The following SHOC1 variants were observed in gnomAD, a reference collection of about 807,000 sequenced individuals.
SHOC1 encodes the protein protein shortage in chiasmata 1 ortholog.
Under a neutral mutation model 179.2 loss-of-function variants are expected in SHOC1, and 136 were observed. That is an observed-to-expected ratio of 0.76 (90% CI 0.66 to 0.87). SHOC1 has a LOEUF of 0.87. Among genes scored for constraint, SHOC1 ranks in the 40% least tolerant of loss-of-function variants. SHOC1 has a pLI of 0.00. For missense variants in SHOC1, 1,538 were observed against 1,700.8 expected, an observed-to-expected ratio of 0.90 and a Z score of 1.68; for synonymous variants, 489 against 586.6, an observed-to-expected ratio of 0.83 and a Z score of 2.41.
At chr9:111,714,178 CTAATT>C (rs1832680038) in intron 17 of SHOC1, among the ~76,000 whole-genome samples, 1 of 152,054 alleles carries the variant, frequency 6.6e-6, no homozygotes. Flanking sequence ...CCACGCCTGG[CTAATT>C]TAAAAATTTT....
chr9:111,734,157 T>C (rs751459414), intron 12 of SHOC1, among the ~76,000 whole-genome samples: 6 of 152,222 alleles, frequency 3.9e-5, no homozygotes, highest in Non-Finnish European at 8.8e-5. Flanking sequence ...TTTTTACAAA[T>C]TGAAGTTTTG....
chr9:111,738,402 C>T lies in SHOC1; in HGVS notation c.1295G>A (p.Gly432Glu), dbSNP rs757146514. 1.2e-6 allele frequency: 2 copies of T among 1,612,852 alleles called. No individual in the cohort carries two copies. The highest frequency in any genetic ancestry group is 8.5e-7 in the Non-Finnish European group (1 of 1,179,558). ...TGTTTCCATCATTTTCAGATTTAGT[C>T]CTGCTTGTTTCCACCACTCTGCCTT... Reference protein sequence around the residue: ...LEKAEWWKQAGLNLKMMETLE... With the variant: ...LEKAEWWKQAELNLKMMETLE... Residue 432 changes from glycine to glutamate, a missense_variant, in exon 12 of 28, where the codon GGA becomes GAA. By Grantham distance (98) the Gly-to-Glu change is moderately conservative (BLOSUM62 -2). Transcript: ENST00000682961.
At chr9:111,715,917 T>C (rs1411446660) in intron 16 of SHOC1, among the ~76,000 whole-genome samples, 1 of 152,032 alleles carries the variant, frequency 6.6e-6, no homozygotes, top group Non-Finnish European at 1.5e-5. Flanking sequence ...AACCTAAAAC[T>C]CACTACCTTG....
In SHOC1 at chr9:111,691,662, T is replaced by C. The variant is rs1449993398; in HGVS notation, c.4315A>G (p.Asn1439Asp). 1 of 1,613,948 alleles carries C rather than the reference T, an allele frequency of 6.2e-7. No homozygotes were observed. The highest frequency in any genetic ancestry group is 1.3e-5 in the African/African-American group (1 of 75,034). ...TAAAGGCTGTTGAATTCTTTTTGAT[T>C]TGCATTAGAATCAGAAGCACGAAAT... ...DLFRASDSNA[N>D]QKEFNSLYFY... Residue 1439 changes from asparagine (N) to aspartate (D), a missense_variant, in exon 27 of 28, where the codon AAT becomes GAT. Asn to Asp is a conservative substitution (Grantham distance 23). Coordinates refer to ENST00000682961, the MANE Select transcript of SHOC1 (RefSeq NM_001378211.1).
chr9:111,745,350 A>G (rs867330173), intron 10 of SHOC1, among the ~76,000 whole-genome samples: 130 of 152,314 alleles, frequency 8.5e-4, no homozygotes, highest in Middle Eastern at 3.4e-3. Flanking sequence ...TTAAGGTTGC[A>G]GTTAGAAAGT....
chr9:111,747,978 C>A, intron 9 of SHOC1, 114 bp downstream of exon 9: 3 of 624,444 alleles, frequency 4.8e-6, no homozygotes, highest in Non-Finnish European at 2.8e-6. Flanking sequence ...TTATAACAAT[C>A]CAATTTTAAA....
At chr9:111,703,076 C>T (rs1832058524) in intron 22 of SHOC1, among the ~76,000 whole-genome samples, 2 of 152,128 alleles carry the variant, frequency 1.3e-5, no homozygotes, top group African/African-American at 2.4e-5. Flanking sequence ...TGTCATTGCA[C>T]TCCGGGCTGG....
rs79224665 is a variant in SHOC1, at chr9:111,723,668, G to C, written c.1954+124C>G. 3,145 of 982,274 alleles carry C rather than the reference G, an allele frequency of 3.2e-3. 46 individuals carry two copies. In the African/African-American group the frequency reaches 0.038, roughly 12 times the overall value. 60.8% of individuals were successfully genotyped at this position (982,274 alleles called of 1,614,324 possible). A position where few individuals can be genotyped will look rare whatever the true frequency, so the allele number is the denominator to read the frequency against. On this transcript the variant is annotated intron_variant, in intron 14 of 27. Transcript: ENST00000682961. ...GGGATATAACTTGAAAGTAGGAGTG[G>C]AATGAAGAAATATCTGAAACAAGTG... is the stretch of plus-strand genomic sequence containing the variant.
At chr9:111,782,292 G>T (rs1320945869) in intron 3 of SHOC1, among the ~76,000 whole-genome samples, 1 of 152,152 alleles carries the variant, frequency 6.6e-6, no homozygotes, top group African/African-American at 2.4e-5. Context: ...TCCTTGGACT[G>T]CTACTTATTA....
At chr9:111,794,349 C>T (rs1172449383) in intron 1 of SHOC1, among the ~76,000 whole-genome samples, 1 of 151,034 alleles carries the variant, frequency 6.6e-6, no homozygotes, top group South Asian at 2.1e-4. Context: ...TTCGGGAGGC[C>T]GAGGCGGGTG....
rs756280234 is a variant in SHOC1 at position 111,756,288 on chromosome 9, G to T, written c.862+37C>A. On this transcript the variant is annotated intron_variant, in intron 8 of 27. Transcript: ENST00000682961. ...CCTATGTAACAAACATTCTTAAGTGGTTTTTACAAGTAATACATTTTACAA... is the reference window on the plus strand; with the variant it reads ...CCTATGTAACAAACATTCTTAAGTGTTTTTTACAAGTAATACATTTTACAA... 2.7e-6 allele frequency: 4 copies of T among 1,505,958 alleles called. No homozygotes were observed. In the South Asian group the frequency reaches 4.0e-5, roughly 15 times the overall value. 93.3% of individuals were successfully genotyped at this position (1,505,958 alleles called of 1,614,324 possible).
At chr9:111,735,966 T>C (rs1242283878) in intron 12 of SHOC1, among the ~76,000 whole-genome samples, 1 of 152,222 alleles carries the variant, frequency 6.6e-6, no homozygotes, top group Admixed American at 6.5e-5. Flanking sequence ...TTCATGTCTT[T>C]ACTATTGTGA....
At chr9:111,770,836 CCTG>C (rs1835575740) in intron 5 of SHOC1, among the ~76,000 whole-genome samples, 1 of 152,018 alleles carries the variant, frequency 6.6e-6, no homozygotes, top group Non-Finnish European at 1.5e-5. Flanking sequence ...TATAGCTACT[CCTG>C]CTATTTTTGG....
intron 15 of SHOC1, among the ~76,000 whole-genome samples, chr9:111,720,347 C>T (rs761175360): frequency 2.6e-5 from 4 of 152,132 alleles, no homozygotes; most frequent in Non-Finnish European, 4.4e-5. Context: ...TCTTTGTTTC[C>T]TGCATGTGGC....
In SHOC1 at chr9:111,705,354, C is replaced by A; in HGVS notation, c.2748G>T (p.Leu916Phe). The A allele has an allele frequency of 6.6e-7, 1 of 1,513,632 alleles. No individual in the cohort carries two copies. The highest frequency in any genetic ancestry group is 8.9e-7 in the Non-Finnish European group (1 of 1,127,900). The allele number at this position is 1,513,632 out of a possible 1,614,324, so 93.8% of individuals were successfully genotyped here. A position where few individuals can be genotyped will look rare whatever the true frequency, so the allele number is the denominator to read the frequency against. ...AAAGAAAACCTCCAAATCTATCCAG[C>A]AAGGTGCTTCCTAAATAAGAGAAAA... ...LPDTVLERST[L>F]LDRFGGFLLE... is the part of the protein sequence containing the mutation. Residue 916 changes from leucine (L) to phenylalanine (F), a missense_variant, in exon 21 of 28, where the codon TTG becomes TTT. Leu to Phe is a conservative substitution (Grantham distance 22, BLOSUM62 0). Transcript: ENST00000682961.
chr9:111,756,017 G>C (rs7021485), intron 8 of SHOC1, among the ~76,000 whole-genome samples: 93,028 of 151,506 alleles, frequency 0.61, 29,045 homozygotes, highest in East Asian at 0.89. Flanking sequence ...AGCTACTCGG[G>C]AGGCTGAGGT....
At chr9:111,780,222 C>G (rs554707561) in intron 4 of SHOC1, among the ~76,000 whole-genome samples, 1 of 152,118 alleles carries the variant, frequency 6.6e-6, no homozygotes, top group South Asian at 2.1e-4. Flanking sequence ...TTCTTTTAAG[C>G]ACAACTAAGG....
intron 12 of SHOC1, among the ~76,000 whole-genome samples, chr9:111,729,734 A>G (rs953264552): frequency 2.0e-5 from 3 of 152,120 alleles, no homozygotes; most frequent in Admixed American, 6.5e-5. Context: ...TCTACTAAAA[A>G]TACAAAAATT....
chr9:111,755,196 A>C (rs935897832), intron 8 of SHOC1, among the ~76,000 whole-genome samples: 3 of 52,342 alleles, frequency 5.7e-5, no homozygotes, highest in Admixed American at 4.9e-4. Context: ...TGTCCTTTAC[A>C]TTTGATTTAC....
Sources: allele counts gnomAD v4.1 joint callset (sites outside exome capture counted in the v4.1 genomes callset), GRCh38; gene constraint gnomAD v4.1.1; transcripts MANE v1.5; gene names NCBI Gene and HGNC (gene_info 2026-07-23, HGNC 2026-07-21).